GLG1: variants seen among roughly 807,000 people sequenced by gnomAD.
GLG1 encodes Golgi apparatus protein 1.
In GLG1, 38 loss-of-function variants were observed where a neutral mutation model predicts 160.5. The observed-to-expected ratio is 0.24, with a 90% CI of 0.18 to 0.31. GLG1 has a LOEUF of 0.31. Among genes scored for constraint, GLG1 ranks in the 10% least tolerant of loss-of-function variants. The pLI is 1.00. For synonymous variants in GLG1, 644 were observed against 543.4 expected (o/e 1.19, Z -2.57); for missense variants, 1,373 against 1,505.2 (o/e 0.91, Z 1.45).
chr16:74,465,370 C>T (rs1185495391), intron 19 of GLG1, among the ~76,000 whole-genome samples: 2 of 152,162 alleles, frequency 1.3e-5, no homozygotes, highest in African/African-American at 2.4e-5. Context: ...ATTGCACATC[C>T]ATTTACTTGT....
chr16:74,564,049 G>C (rs1459281981), intron 1 of GLG1, among the ~76,000 whole-genome samples: 1 of 152,150 alleles, frequency 6.6e-6, no homozygotes, highest in African/African-American at 2.4e-5. Context: ...AGCCTCCTGA[G>C]TAGTGGAACT....
In GLG1 at chr16:74,447,441, A is replaced by C. The variant is rs1567444752; in HGVS notation, c.*5726T>G. 6.6e-6 allele frequency: 1 copy of C among 152,122 alleles called. No individual in the cohort carries two copies. Among genetic ancestry groups the C allele is most frequent in the African/African-American group, 2.4e-5 (1 of 41,418 alleles). 9.4% of individuals were successfully genotyped at this position (152,122 alleles called of 1,614,324 possible). On this transcript the variant is annotated 3_prime_UTR_variant, in exon 26 of 26. Coordinates refer to ENST00000422840, the MANE Select transcript of GLG1 (RefSeq NM_001145667.2). ...CACAGAGAAGATTTAACAAGTAAAA[A>C]CCTGCAAACTCTTTATTAAATTCTC...
intron 1 of GLG1, among the ~76,000 whole-genome samples, chr16:74,600,670 T>C (rs1264944305): frequency 6.8e-6 from 1 of 147,108 alleles, no homozygotes; most frequent in Non-Finnish European, 1.5e-5. Context: ...AGGCAGAGGT[T>C]GCAGTGAGCC....
At chr16:74,581,035 T>C (rs1219855236) in intron 1 of GLG1, among the ~76,000 whole-genome samples, 2 of 152,212 alleles carry the variant, frequency 1.3e-5, no homozygotes, top group African/African-American at 4.8e-5. Flanking sequence ...CTCTCTGAAC[T>C]GTTGGTGGGA....
intron 1 of GLG1, among the ~76,000 whole-genome samples, chr16:74,532,662 T>G (rs1486807145): frequency 7.2e-5 from 11 of 152,014 alleles, no homozygotes; most frequent in Admixed American, 2.0e-4. Flanking sequence ...TAGCTGGGAC[T>G]ACAGGCGCAA....
Position 74,496,564 on chromosome 16 carries a change from A to T in GLG1, c.855T>A (p.Ile285=). 6.2e-7 allele frequency: 1 copy of T among 1,613,586 alleles called. No individual in the cohort carries two copies. Among genetic ancestry groups the T allele is most frequent in the Admixed American group, 1.7e-5 (1 of 59,980 alleles). Reference sequence around the variant, plus strand: ...CTTTCTTGCAGAGTTCAGAAACTTGAATCTTGGGTTCTCTTTCTTCTGCTT... The same window carrying T: ...CTTTCTTGCAGAGTTCAGAAACTTGTATCTTGGGTTCTCTTTCTTCTGCTT... ...VKEAEEREPK[I]QVSELCKKAI... The change falls in exon 5 of 26, where the codon ATT becomes ATA. Residue 285 remains isoleucine, a synonymous_variant. Coordinates refer to ENST00000422840, the MANE Select transcript of GLG1 (RefSeq NM_001145667.2).
At chr16:74,469,399 C>A in intron 16 of GLG1, 1 of 264,268 alleles carries the variant, frequency 3.8e-6, no homozygotes, top group Non-Finnish European at 7.3e-6. Context: ...TACTTTTGAC[C>A]TACTGTGAAA....
intron 14 of GLG1, among the ~76,000 whole-genome samples, 170 bp downstream of exon 14, chr16:74,472,179 T>C (rs1252294404): frequency 6.6e-6 from 1 of 152,184 alleles, no homozygotes; most frequent in Non-Finnish European, 1.5e-5. Flanking sequence ...GGATTACAGG[T>C]ATTGGTCACC....
intron 2 of GLG1, 44 bp from the exon 3 acceptor site, chr16:74,508,969 A>C (rs749519074): frequency 2.5e-6 from 2 of 811,024 alleles, no homozygotes; most frequent in South Asian, 2.8e-5. Context: ...AACTCCAGTT[A>C]GAACAGTACG....
In GLG1 at chr16:74,456,732, G is replaced by C. The variant is rs1163496699; in HGVS notation, c.3289C>G (p.Leu1097Val). 1 of 1,609,820 alleles carries C rather than the reference G, an allele frequency of 6.2e-7. No individual in the cohort carries two copies. The highest frequency in any genetic ancestry group is 8.5e-7 in the Non-Finnish European group (1 of 1,176,250). Residue 1097 changes from leucine to valine, a missense_variant, in exon 25 of 26, where the codon CTG (leucine) becomes GTG (valine). Physicochemically the swap from Leu to Val is conservative, Grantham distance 32. Coordinates refer to ENST00000422840, the MANE Select transcript of GLG1 (RefSeq NM_001145667.2). ...TGTAACCTCACCCGCTTATCCTCCA[G>C]TGCTTCCATGAGACAGGACATTTCT... The part of the protein sequence containing the change: ...GRQMSCLMEA[L>V]EDKRVRLQPE...
rs374112918 is a variant in GLG1, at chr16:74,558,418, G to A, written c.439-26265C>T. Among the ~76,000 whole-genome samples, 16 of 152,336 alleles carry A rather than the reference G, an allele frequency of 1.1e-4. No individual in the cohort carries two copies. In the East Asian group the frequency reaches 2.5e-3, roughly 24 times the overall value. On this transcript the variant is annotated intron_variant, in intron 1 of 25. Coordinates refer to ENST00000422840, the MANE Select transcript of GLG1 (RefSeq NM_001145667.2). ...GAATAATGGATAATAAAATGAAAGTGTGTGCACAAATGTTTGAACTGTATT... is the reference window on the plus strand; with the variant it reads ...GAATAATGGATAATAAAATGAAAGTATGTGCACAAATGTTTGAACTGTATT...
intron 4 of GLG1, among the ~76,000 whole-genome samples, chr16:74,497,775 A>G (rs1721832384): frequency 6.6e-6 from 1 of 152,138 alleles, no homozygotes; most frequent in Non-Finnish European, 1.5e-5. Context: ...AACAAACCAC[A>G]TAATCCACTA....
chr16:74,539,158 G>C (rs2143640652), intron 1 of GLG1, among the ~76,000 whole-genome samples: 1 of 148,504 alleles, frequency 6.7e-6, no homozygotes, highest in Admixed American at 6.7e-5. Flanking sequence ...CAAGTCTTTA[G>C]TAAAAATCCA....
intron 6 of GLG1, 28 bp downstream of exon 6, chr16:74,494,732 C>A: frequency 9.9e-7 from 1 of 1,009,828 alleles, no homozygotes; most frequent in Non-Finnish European, 1.6e-6. Context: ...ACAAATAAAA[C>A]ATTCATTAGT....
intron 1 of GLG1, among the ~76,000 whole-genome samples, chr16:74,553,255 T>C (rs892076889): frequency 4.0e-5 from 6 of 151,280 alleles, no homozygotes; most frequent in African/African-American, 1.5e-4. Flanking sequence ...AAAGACAGGG[T>C]CTCGCTATGT....
chr16:74,560,378 A>C (rs1344012751), intron 1 of GLG1, among the ~76,000 whole-genome samples: 1 of 129,262 alleles, frequency 7.7e-6, no homozygotes, highest in Non-Finnish European at 1.5e-5. Context: ...CCCAGGCTGG[A>C]GTGCAATGGC....
At chr16:74,581,003 T>A (rs1957926285) in intron 1 of GLG1, among the ~76,000 whole-genome samples, 1 of 152,096 alleles carries the variant, frequency 6.6e-6, no homozygotes, top group African/African-American at 2.4e-5. Context: ...TAAGTGTTGG[T>A]GAGGATGTGA....
chr16:74,573,530 A>G (rs1003791521), intron 1 of GLG1, among the ~76,000 whole-genome samples: 20 of 150,356 alleles, frequency 1.3e-4, no homozygotes, highest in African/African-American at 4.7e-4. Context: ...ATACTTATAT[A>G]TCTAAAGCTG....
chr16:74,516,454 T>C (rs1396845882), intron 2 of GLG1, among the ~76,000 whole-genome samples: 1 of 152,126 alleles, frequency 6.6e-6, no homozygotes. Context: ...CCTGAATGAC[T>C]ACTGGGTACA....
Sources: gnomAD v4.1 joint callset for allele counts (sites outside exome capture counted in the v4.1 genomes callset) on GRCh38, gnomAD v4.1.1 for gene constraint, MANE v1.5 for transcripts, NCBI Gene and HGNC (gene_info 2026-07-23, HGNC 2026-07-21) for gene names.